TCF7L1: variants seen among roughly 807,000 people sequenced by gnomAD.
TCF7L1 encodes the protein transcription factor 7-like 1.
A neutral mutation model predicts 63.7 loss-of-function variants in TCF7L1; 18 were observed. That is an observed-to-expected ratio of 0.28 (90% CI 0.20 to 0.42). TCF7L1 has a LOEUF of 0.42. Among genes scored for constraint, TCF7L1 ranks in the 10% least tolerant of loss-of-function variants. The pLI is 1.00. For missense variants in TCF7L1, 654 were observed against 779.3 expected (o/e 0.84, Z 1.91); for synonymous variants, 355 against 340.9 (o/e 1.04, Z -0.46).
At chr2:85,284,121 C>G (rs527446082) in intron 4 of TCF7L1, among the ~76,000 whole-genome samples, 12 of 152,366 alleles carry the variant, frequency 7.9e-5, no homozygotes, top group African/African-American at 2.9e-4. Context: ...AGCGATTCTC[C>G]TGCCTCAGCC....
chr2:85,267,360 G>T (rs1171602813), intron 3 of TCF7L1, among the ~76,000 whole-genome samples: 1 of 145,630 alleles, frequency 6.9e-6, no homozygotes, highest in Non-Finnish European at 1.5e-5. Context: ...AAAAGAGTTG[G>T]CCTTTGGGGC....
At chr2:85,171,310 G>A (rs1270434247) in intron 3 of TCF7L1, among the ~76,000 whole-genome samples, 1 of 152,132 alleles carries the variant, frequency 6.6e-6, no homozygotes, top group Non-Finnish European at 1.5e-5. Flanking sequence ...ATTTAGGTGG[G>A]GTCAGAGCCA....
In TCF7L1 at chr2:85,271,400, C is replaced by T. The variant is rs544857042; in HGVS notation, c.442-12095C>T. ...TGCTGGGATTACAGGCATAAGCTAC[C>T]GCGCCCGGCCCAGTTTCCCATTTTT... On this transcript the variant is annotated intron_variant, in intron 3 of 11. Coordinates refer to ENST00000282111, the MANE Select transcript of TCF7L1 (RefSeq NM_031283.3). Among the ~76,000 whole-genome samples the T allele has an allele frequency of 1.9e-3, 284 of 152,338 alleles. 2 individuals are homozygous for T. The highest frequency in any genetic ancestry group is 1.9e-3 in the Non-Finnish European group (131 of 68,036).
intron 3 of TCF7L1, among the ~76,000 whole-genome samples, chr2:85,168,872 C>T (rs1429205103): frequency 3.3e-5 from 5 of 152,186 alleles, no homozygotes; most frequent in African/African-American, 1.2e-4. Context: ...CCACCCACCT[C>T]GGCCTCCCAA....
chr2:85,238,059 G>A (rs1680233941), intron 3 of TCF7L1, among the ~76,000 whole-genome samples: 2 of 152,178 alleles, frequency 1.3e-5, no homozygotes, highest in African/African-American at 4.8e-5. Flanking sequence ...TCCCTGCCTG[G>A]CTCAGTTGAA....
Position 85,241,431 on chromosome 2 carries a change from GTTTTTGTTTTT to G in TCF7L1, c.442-42058_442-42048del, listed in dbSNP as rs1243765076. The stretch of plus-strand genomic sequence containing the variant: ...TGATCCAGAGGACTGGATGCACTTT[GTTTTTGTTTTT>G]TTTTTTTTTTTTTTTTTTTTTTTGA... On this transcript the variant is annotated intron_variant, in intron 3 of 11. Transcript: ENST00000282111. Among the ~76,000 whole-genome samples, 78 of 68,766 alleles carry G rather than the reference GTTTTTGTTTTT, an allele frequency of 1.1e-3. 2 individuals carry two copies. Among genetic ancestry groups the G allele is most frequent in the Non-Finnish European group, 1.9e-3 (63 of 33,058 alleles). The allele number at this position is 68,766 out of a possible 152,430, so 45.1% of individuals were successfully genotyped here.
At chr2:85,271,084 G>A (rs1681142419) in intron 3 of TCF7L1, among the ~76,000 whole-genome samples, 1 of 151,760 alleles carries the variant, frequency 6.6e-6, no homozygotes, top group African/African-American at 2.4e-5. Context: ...TGCCAGTGTC[G>A]AGGAAATCCA....
chr2:85,254,022 C>T (rs1300924854), intron 3 of TCF7L1, among the ~76,000 whole-genome samples: 1 of 152,186 alleles, frequency 6.6e-6, no homozygotes, highest in African/African-American at 2.4e-5. Context: ...AGATCCAGGC[C>T]CCTCTTGCCA....
chr2:85,279,043 T>A (rs564128395), intron 3 of TCF7L1, among the ~76,000 whole-genome samples: 9 of 152,190 alleles, frequency 5.9e-5, no homozygotes, highest in African/African-American at 1.4e-4. Flanking sequence ...CGCTGTGGGC[T>A]GAAGCCCAGC....
At chr2:85,201,113 A>C (rs1679259285) in intron 3 of TCF7L1, among the ~76,000 whole-genome samples, 1 of 152,144 alleles carries the variant, frequency 6.6e-6, no homozygotes, top group South Asian at 2.1e-4. Context: ...GAGGCACAAG[A>C]ATTCGCTTGA....
At chr2:85,288,206 TAAC>T (rs911696521) in intron 4 of TCF7L1, among the ~76,000 whole-genome samples, 2 of 152,166 alleles carry the variant, frequency 1.3e-5, no homozygotes, top group Admixed American at 6.6e-5. Flanking sequence ...ATTGCAGAGG[TAAC>T]AGAGATAATG....
intron 3 of TCF7L1, among the ~76,000 whole-genome samples, chr2:85,269,687 A>T (rs1000424108): frequency 8.5e-5 from 13 of 152,220 alleles, no homozygotes; most frequent in African/African-American, 3.1e-4. Flanking sequence ...TTTAGGTACT[A>T]AAAAATAGGA....
intron 3 of TCF7L1, among the ~76,000 whole-genome samples, chr2:85,178,163 T>C (rs1678721675): frequency 6.6e-6 from 1 of 152,188 alleles, no homozygotes; most frequent in Non-Finnish European, 1.5e-5. Context: ...CAGTGAGCTC[T>C]TTAGAGGGGA....
rs183819123 is a variant in TCF7L1, at chr2:85,307,968, T to C, written c.1333+251T>C. ...TTGTCACTTCAAAGCCTAGACAATCTAATTCCATTGAAAAGTGAATCATCC... is the reference window on the plus strand; with the variant it reads ...TTGTCACTTCAAAGCCTAGACAATCCAATTCCATTGAAAAGTGAATCATCC... On this transcript the variant is annotated intron_variant, in intron 11 of 11. Coordinates refer to ENST00000282111, the MANE Select transcript of TCF7L1 (RefSeq NM_031283.3). 5.8e-3 allele frequency among the ~76,000 whole-genome samples: 882 copies of C among 152,324 alleles called. 2 individuals are homozygous for C. The highest frequency in any genetic ancestry group is 0.01 in the Non-Finnish European group (684 of 68,022).
intron 3 of TCF7L1, among the ~76,000 whole-genome samples, chr2:85,219,354 C>A (rs1465872358): frequency 3.3e-5 from 5 of 152,022 alleles, no homozygotes; most frequent in African/African-American, 1.2e-4. Flanking sequence ...CTAGTAAAAT[C>A]AAAGATGCAC....
At chr2:85,226,337 T>C (rs1679952367) in intron 3 of TCF7L1, among the ~76,000 whole-genome samples, 1 of 152,172 alleles carries the variant, frequency 6.6e-6, no homozygotes, top group African/African-American at 2.4e-5. Context: ...ATTGGAATAG[T>C]TTCAGAAGGA....
chr2:85,279,696 C>A lies in TCF7L1; in HGVS notation c.442-3799C>A, dbSNP rs1430861794. On this transcript the variant is annotated intron_variant, in intron 3 of 11. Coordinates refer to ENST00000282111, the MANE Select transcript of TCF7L1 (RefSeq NM_031283.3). ...CACTCATCTCCAAAACTTAAAAAGA[C>A]AAATAGAAAAGGGAAAGTCACGATC... Among the ~76,000 whole-genome samples the A allele has an allele frequency of 2.0e-5, 3 of 152,242 alleles. No individual in the cohort carries two copies. The East Asian group carries it at 5.8e-4, about 29-fold the overall frequency.
chr2:85,308,393 C>CTCCT (rs1470049470), intron 11 of TCF7L1, among the ~76,000 whole-genome samples: 2 of 144,200 alleles, frequency 1.4e-5, no homozygotes, highest in Admixed American at 6.8e-5. Flanking sequence ...CCTTCCCTCC[C>CTCCT]ATTCTCCTTC....
At chr2:85,147,090 C>T (rs1393583900) in intron 3 of TCF7L1, among the ~76,000 whole-genome samples, 3 of 152,122 alleles carry the variant, frequency 2.0e-5, no homozygotes, top group Admixed American at 2.0e-4. Context: ...TCAATCTATT[C>T]ACCCAACTTC....
Sources: allele counts gnomAD v4.1 joint callset (sites outside exome capture counted in the v4.1 genomes callset), GRCh38; gene constraint gnomAD v4.1.1; transcripts MANE v1.5; gene names NCBI Gene and HGNC (gene_info 2026-07-23, HGNC 2026-07-21).